The following ITGA11 variants were observed in gnomAD, a reference collection of about 807,000 sequenced individuals.
The protein encoded by ITGA11 is integrin alpha-11.
Under a neutral mutation model 141.9 loss-of-function variants are expected in ITGA11, and 97 were observed. The ratio of observed to expected loss-of-function variants is 0.68; its 90% confidence interval spans 0.58 to 0.81. ITGA11 has a LOEUF of 0.81. ITGA11 is among the 30% of genes least tolerant of loss of function. ITGA11 has a pLI of 0.00. For missense variants in ITGA11, 1,387 were observed against 1,559.2 expected, an observed-to-expected ratio of 0.89 and a Z score of 1.86; for synonymous variants, 658 against 624.6, an observed-to-expected ratio of 1.05 and a Z score of -0.80.
chr15:68,411,820 T>C (rs1216623134), intron 1 of ITGA11, among the ~76,000 whole-genome samples: 2 of 152,186 alleles, frequency 1.3e-5, no homozygotes, highest in African/African-American at 4.8e-5. Flanking sequence ...GCTTGGGCCT[T>C]AGGATGCCTT....
At chr15:68,414,251 C>T (rs941070269) in intron 1 of ITGA11, among the ~76,000 whole-genome samples, 1 of 152,208 alleles carries the variant, frequency 6.6e-6, no homozygotes, top group African/African-American at 2.4e-5. Flanking sequence ...TGAGGCATGA[C>T]TGTGGCCTTG....
At chr15:68,404,513 T>C (rs1046156264) in intron 1 of ITGA11, among the ~76,000 whole-genome samples, 3 of 152,172 alleles carry the variant, frequency 2.0e-5, no homozygotes, top group Admixed American at 2.0e-4. Flanking sequence ...ATCTGTATAG[T>C]ACTTTTGGTT....
chr15:68,404,066 C>T (rs1038593539), intron 1 of ITGA11, among the ~76,000 whole-genome samples: 2 of 152,192 alleles, frequency 1.3e-5, no homozygotes, highest in African/African-American at 4.8e-5. Flanking sequence ...TTCCTCCCAT[C>T]TGCTGCTTCC....
intron 5 of ITGA11, among the ~76,000 whole-genome samples, chr15:68,360,844 C>T (rs775641082): frequency 4.1e-4 from 62 of 152,308 alleles, no homozygotes; most frequent in Admixed American, 8.5e-4. Context: ...CTCCTCCTCC[C>T]TTCCCCAGCC....
At chr15:68,391,613 T>C (rs1383397286) in intron 2 of ITGA11, among the ~76,000 whole-genome samples, 1 of 152,134 alleles carries the variant, frequency 6.6e-6, no homozygotes, top group Non-Finnish European at 1.5e-5. Flanking sequence ...GGAAGTGATA[T>C]GTGTTATCAC....
At position 68,328,324 on chromosome 15, in the gene ITGA11, A is replaced by G. The variant is rs1408462223; in HGVS notation, c.1902-62T>C. 3 of 1,438,696 alleles carry G rather than the reference A, an allele frequency of 2.1e-6. No homozygotes were observed. The highest frequency in any genetic ancestry group is 1.4e-5 in the African/African-American group (1 of 69,410). 89.1% of individuals were successfully genotyped at this position (1,438,696 alleles called of 1,614,324 possible). A position where few individuals can be genotyped will look rare whatever the true frequency, so the allele number is the denominator to read the frequency against. ...GGGCTCAGGCTGCCCTGCTGTGACC[A>G]TGGGGAAAGACAAGAACCAGATGCG... is the stretch of plus-strand genomic sequence containing the variant. On this transcript the variant is annotated intron_variant, in intron 15 of 29. Transcript: ENST00000315757. This position sits in a 1 kb window ranked among gnomAD's most constrained non-coding sequence, Gnocchi z 4.8.
intron 18 of ITGA11, among the ~76,000 whole-genome samples, chr15:68,323,019 C>T (rs775569481): frequency 6.6e-6 from 1 of 152,150 alleles, no homozygotes; most frequent in Non-Finnish European, 1.5e-5. Context: ...ACAACACAGC[C>T]CAAACCAGGG....
At chr15:68,371,077 T>C (rs1364490882) in intron 2 of ITGA11, among the ~76,000 whole-genome samples, 1 of 152,204 alleles carries the variant, frequency 6.6e-6, no homozygotes, top group African/African-American at 2.4e-5. Flanking sequence ...ATCCCCTTAT[T>C]AAGCCCGCCT....
At chr15:68,403,888 C>G (rs1896571808) in intron 1 of ITGA11, among the ~76,000 whole-genome samples, 1 of 151,996 alleles carries the variant, frequency 6.6e-6, no homozygotes, top group South Asian at 2.1e-4. Flanking sequence ...CTCAGGTATT[C>G]CTGTATTAGC....
At position 68,303,161 on chromosome 15, in the gene ITGA11, G is replaced by T. The variant is rs760743365; in HGVS notation, c.3496-31C>A. On this transcript the variant is annotated intron_variant, in intron 29 of 29. Coordinates refer to ENST00000315757, the MANE Select transcript of ITGA11 (RefSeq NM_001004439.2). This position sits in a 1 kb window ranked among gnomAD's most constrained non-coding sequence, Gnocchi z 5.3. ...AGGAGGCAAAGGGAGACGTCTCAGA[G>T]GAGGACAGGGTGGGCAAGGCCTGCC... 1.9e-6 allele frequency: 3 copies of T among 1,544,186 alleles called. No homozygotes were observed. Among genetic ancestry groups the T allele is most frequent in the Non-Finnish European group, 2.6e-6 (3 of 1,141,740 alleles).
At chr15:68,315,126 G>C (rs1027984995) in intron 22 of ITGA11, among the ~76,000 whole-genome samples, 1 of 152,136 alleles carries the variant, frequency 6.6e-6, no homozygotes, top group African/African-American at 2.4e-5. Flanking sequence ...AATAGAAAAA[G>C]GGGAGAGAGG....
intron 1 of ITGA11, among the ~76,000 whole-genome samples, chr15:68,426,006 T>G (rs368623464): frequency 6.6e-6 from 1 of 152,254 alleles, no homozygotes; most frequent in Admixed American, 6.5e-5. Flanking sequence ...GCTGGGTTCT[T>G]CTATGTTATA....
rs1343793212 is a variant in ITGA11, at chr15:68,302,335, G to A, written c.*724C>T. 1.3e-5 allele frequency: 2 copies of A among 152,458 alleles called. No homozygotes were observed. The highest frequency in any genetic ancestry group is 2.4e-5 in the African/African-American group (1 of 41,448). 9.4% of individuals were successfully genotyped at this position (152,458 alleles called of 1,614,324 possible). On this transcript the variant is annotated 3_prime_UTR_variant, in exon 30 of 30. Coordinates refer to ENST00000315757, the MANE Select transcript of ITGA11 (RefSeq NM_001004439.2). ...CTGAGAGCAAGGGGCTGCAGCTGGT[G>A]GGGGAATGTGTGAGTTGCGGTCAAT...
chr15:68,387,837 C>T lies in ITGA11; in HGVS notation c.164+15081G>A, dbSNP rs117081717. On this transcript the variant is annotated intron_variant, in intron 2 of 29. Coordinates refer to ENST00000315757, the MANE Select transcript of ITGA11 (RefSeq NM_001004439.2). ...TCACAATCCTCTCCTCTTCTGCCCC[C>T]GGACACAGCACCTCCTCTGACCCTT... 6.1e-4 allele frequency among the ~76,000 whole-genome samples: 93 copies of T among 152,238 alleles called. No homozygotes were observed. In the East Asian group the frequency reaches 0.015, roughly 25 times the overall value.
intron 9 of ITGA11, among the ~76,000 whole-genome samples, chr15:68,349,411 G>T (rs2140329271): frequency 6.6e-6 from 1 of 152,320 alleles, no homozygotes; most frequent in South Asian, 2.1e-4. Flanking sequence ...AGTGCTGAAA[G>T]CCTCTCCCCA....
At position 68,432,098 on chromosome 15, in the gene ITGA11, CAGCGGCGGCGGGGGGCGGCA is replaced by C; in HGVS notation, c.-52_-33del. 1 of 1,357,140 alleles carries C rather than the reference CAGCGGCGGCGGGGGGCGGCA, an allele frequency of 7.4e-7. No homozygotes were observed. The highest frequency in any genetic ancestry group is 9.5e-7 in the Non-Finnish European group (1 of 1,057,360). 84.1% of individuals were successfully genotyped at this position (1,357,140 alleles called of 1,614,324 possible). On this transcript the variant is annotated 5_prime_UTR_variant, in exon 1 of 30. Transcript: ENST00000315757. ...CGGCACGGCGGCTGGGTCCGGTGTG[CAGCGGCGGCGGGGGGCGGCA>C]AGCCAGAGCGGCAGCCTCCTCGGCG... is the stretch of plus-strand genomic sequence containing the variant.
chr15:68,336,645 G>A (rs760119783), intron 11 of ITGA11, among the ~76,000 whole-genome samples: 5 of 152,152 alleles, frequency 3.3e-5, no homozygotes, highest in Admixed American at 6.5e-5. Context: ...GTGGAAAGCC[G>A]ATGGCATCCT....
chr15:68,339,116 T>C (rs1263724303), intron 11 of ITGA11, among the ~76,000 whole-genome samples: 1 of 152,206 alleles, frequency 6.6e-6, no homozygotes, highest in Non-Finnish European at 1.5e-5. Context: ...TGAATGCAGG[T>C]TCCACTCGAC....
chr15:68,370,382 A>G (rs1895552225), intron 2 of ITGA11, among the ~76,000 whole-genome samples: 1 of 152,058 alleles, frequency 6.6e-6, no homozygotes, highest in Admixed American at 6.5e-5. Flanking sequence ...GATGCTGGGG[A>G]GAGTTCTACC....
Sources: gnomAD v4.1 joint callset for allele counts (sites outside exome capture counted in the v4.1 genomes callset) on GRCh38, gnomAD v4.1.1 for gene constraint, Gnocchi (gnomAD v3.1) non-coding constraint, MANE v1.5 for transcripts, NCBI Gene and HGNC (gene_info 2026-07-23, HGNC 2026-07-21) for gene names.